The following SLC28A3 variants were observed in gnomAD, a reference collection of about 807,000 sequenced individuals.
The protein encoded by SLC28A3 is solute carrier family 28 member 3, also known as concentrative Na(+)-nucleoside cotransporter 3.
Under a neutral mutation model 84.2 loss-of-function variants are expected in SLC28A3, and 68 were observed. The observed-to-expected ratio is 0.81, with a 90% CI of 0.66 to 0.99. The LOEUF is 0.99. Ranked by LOEUF, SLC28A3 falls within the 50% of genes least tolerant of loss-of-function variation. SLC28A3 has a pLI of 0.00. For missense variants in SLC28A3, 712 were observed against 841.5 expected (o/e 0.85, Z 1.90); for synonymous variants, 267 against 303.6 (o/e 0.88, Z 1.25).
rs369525796 is a variant in SLC28A3, at chr9:84,285,931, A to T, written c.1449+12T>A. 6.2e-7 allele frequency: 1 copy of T among 1,609,340 alleles called. No homozygotes were observed. The highest frequency in any genetic ancestry group is 1.3e-5 in the African/African-American group (1 of 74,828). The stretch of plus-strand genomic sequence containing the variant: ...AAACAAAACAGAGGGCAGGGGCGTG[A>T]TGTGATTATACCTCAAAACTCAGCT... On this transcript the variant is annotated intron_variant, in intron 13 of 17. Coordinates refer to ENST00000376238, the MANE Select transcript of SLC28A3 (RefSeq NM_001199633.2).
At chr9:84,346,320 T>A in the SLC28A3 span, among the ~76,000 whole-genome samples, 1 of 152,198 alleles carries the variant, frequency 6.6e-6, no homozygotes, top group East Asian at 1.9e-4. Context: ...AGTAATTACA[T>A]GGCAATAGAT....
rs569014636 is a variant in SLC28A3 at position 84,338,436 on chromosome 9, C to T, written c.60+2138G>A. On this transcript the variant is annotated intron_variant, in intron 1 of 17. Transcript: ENST00000376238. ...CTGATTCTCTTGAAAGACAAATTGT[C>T]TTCACTATTTTGATTTTGAAATGTA... 3.3e-5 allele frequency among the ~76,000 whole-genome samples: 5 copies of T among 152,296 alleles called. No individual in the cohort carries two copies. In the East Asian group the frequency reaches 9.6e-4, roughly 29 times the overall value.
At chr9:84,298,064 G>T in intron 6 of SLC28A3, 45 bp from the exon 7 acceptor site, 2 of 1,475,080 alleles carry the variant, frequency 1.4e-6, no homozygotes, top group Non-Finnish European at 1.9e-6. Context: ...GAAAATTAAT[G>T]CAGGCCGTGG....
Position 84,298,003 on chromosome 9 carries a change from A to T in SLC28A3, c.686T>A (p.Val229Asp). The T allele has an allele frequency of 6.2e-7, 1 of 1,611,904 alleles. No homozygotes were observed. The highest frequency in any genetic ancestry group is 8.5e-7 in the Non-Finnish European group (1 of 1,179,466). The change falls in exon 7 of 18, where the codon GTC becomes GAC. Residue 229 changes from valine to aspartate, a missense_variant. By Grantham distance (152) the Val-to-Asp change is radical. Coordinates refer to ENST00000376238, the MANE Select transcript of SLC28A3 (RefSeq NM_001199633.2). ...AAACTGTAGCCCGATTCCCCATAAG[A>T]CAGGTCTCCAGTAAACCTATACAGA... Reference protein sequence around the residue: ...KYPTRVYWRPVLWGIGLQFLL... With the variant: ...KYPTRVYWRPDLWGIGLQFLL...
At chr9:84,339,089 C>T (rs1827074047) in intron 1 of SLC28A3, among the ~76,000 whole-genome samples, 1 of 152,138 alleles carries the variant, frequency 6.6e-6, no homozygotes, top group South Asian at 2.1e-4. Flanking sequence ...ATTTCCACCT[C>T]CCACCCCCAC....
At chr9:84,365,467 A>G in the SLC28A3 span, among the ~76,000 whole-genome samples, 7 of 151,678 alleles carry the variant, frequency 4.6e-5, no homozygotes, top group South Asian at 4.2e-4. Flanking sequence ...CTTTGTTGCT[A>G]TTTTTCCTTT....
At chr9:84,334,329 C>T (rs557901430) in intron 1 of SLC28A3, among the ~76,000 whole-genome samples, 1 of 152,272 alleles carries the variant, frequency 6.6e-6, no homozygotes, top group Non-Finnish European at 1.5e-5. Flanking sequence ...TCAATATAAG[C>T]AAAGAATACA....
chr9:84,337,992 CTTT>C (rs369981425), intron 1 of SLC28A3, among the ~76,000 whole-genome samples: 88 of 152,286 alleles, frequency 5.8e-4, no homozygotes, highest in African/African-American at 1.9e-3. Flanking sequence ...GTGCTCCCTT[CTTT>C]GAGGAACAGT....
chr9:84,344,688 CT>C (rs111529955), upstream of SLC28A3, among the ~76,000 whole-genome samples: 8,222 of 152,190 alleles, frequency 0.054, 449 homozygotes, highest in East Asian at 0.17. Flanking sequence ...TTTCCACAAT[CT>C]TTATCTTAGC....
At chr9:84,330,196 G>A (rs1008889443) in intron 1 of SLC28A3, among the ~76,000 whole-genome samples, 2 of 151,994 alleles carry the variant, frequency 1.3e-5, no homozygotes, top group Admixed American at 6.6e-5. Flanking sequence ...AATAGCAAGT[G>A]AAGAGATTGA....
intron 1 of SLC28A3, among the ~76,000 whole-genome samples, chr9:84,331,390 T>C (rs889209964): frequency 6.6e-6 from 1 of 152,198 alleles, no homozygotes; most frequent in African/African-American, 2.4e-5. Flanking sequence ...AGTTACTTCC[T>C]ACCTTAGAAC....
At position 84,337,698 on chromosome 9, in the gene SLC28A3, A is replaced by G. The variant is rs371171723; in HGVS notation, c.60+2876T>C. Reference sequence around the variant, plus strand: ...ATAAATAGCAAACGTCTTATTTGCAACTACTGTTGAATGAAGTCATTTCCA... The same window carrying G: ...ATAAATAGCAAACGTCTTATTTGCAGCTACTGTTGAATGAAGTCATTTCCA... On this transcript the variant is annotated intron_variant, in intron 1 of 17. Transcript: ENST00000376238. Among the ~76,000 whole-genome samples the G allele has an allele frequency of 3.2e-4, 48 of 152,338 alleles. 1 individual carries two copies. The East Asian group carries it at 6.2e-3, about 20-fold the overall frequency.
chr9:84,285,297 C>G, intron 14 of SLC28A3, 48 bp downstream of exon 14: 2 of 1,561,830 alleles, frequency 1.3e-6, no homozygotes, highest in Non-Finnish European at 1.8e-6. Context: ...TAGACGAATG[C>G]AGGTATGTGA....
intron 12 of SLC28A3, among the ~76,000 whole-genome samples, chr9:84,286,854 T>C (rs1825010318): frequency 6.6e-6 from 1 of 152,112 alleles, no homozygotes; most frequent in African/African-American, 2.4e-5. Context: ...CTTCCTGAAA[T>C]TCACTCATCA....
At chr9:84,319,343 C>T (rs995580371) in intron 1 of SLC28A3, among the ~76,000 whole-genome samples, 1 of 152,140 alleles carries the variant, frequency 6.6e-6, no homozygotes, top group African/African-American at 2.4e-5. Flanking sequence ...TCCTTAAATA[C>T]AGGGTTTCCA....
intron 3 of SLC28A3, among the ~76,000 whole-genome samples, chr9:84,308,139 G>T (rs1358558613): frequency 1.3e-5 from 2 of 152,190 alleles, no homozygotes; most frequent in Non-Finnish European, 2.9e-5. Flanking sequence ...TACTTGCGAG[G>T]CTGAGGTGGG....
the SLC28A3 span, among the ~76,000 whole-genome samples, chr9:84,366,550 AT>A: frequency 6.6e-6 from 1 of 152,146 alleles, no homozygotes; most frequent in Non-Finnish European, 1.5e-5. Context: ...GTTTCCAGAT[AT>A]TTGAAAGGTC....
At chr9:84,306,941 T>C (rs1778309552) in intron 3 of SLC28A3, among the ~76,000 whole-genome samples, 1 of 141,858 alleles carries the variant, frequency 7.0e-6, no homozygotes, top group Admixed American at 7.5e-5. Flanking sequence ...AAGGATTATT[T>C]GAGCCCAGGA....
At chr9:84,321,821 G>A (rs1371581556) in intron 1 of SLC28A3, among the ~76,000 whole-genome samples, 1 of 151,956 alleles carries the variant, frequency 6.6e-6, no homozygotes, top group Non-Finnish European at 1.5e-5. Context: ...GGAGGCTGAG[G>A]TGGGTGGATC....
Sources: allele counts gnomAD v4.1 joint callset (sites outside exome capture counted in the v4.1 genomes callset), GRCh38; gene constraint gnomAD v4.1.1; transcripts MANE v1.5; gene names NCBI Gene and HGNC (gene_info 2026-07-23, HGNC 2026-07-21).